LGI3: variants seen among roughly 807,000 people sequenced by gnomAD.
LGI3 encodes leucine rich repeat LGI family member 3, also known as leucine-rich repeat LGI family member 3.
In LGI3, 47 loss-of-function variants were observed where a neutral mutation model predicts 55.4. The ratio of observed to expected loss-of-function variants is 0.85; its 90% confidence interval spans 0.67 to 1.08. The LOEUF (loss-of-function observed/expected upper bound fraction) is 1.08. Ranked by LOEUF, LGI3 falls within the 50% of genes least tolerant of loss-of-function variation. LGI3 has a pLI of 0.00. For missense variants in LGI3, 664 were observed against 726.3 expected (o/e 0.91, Z 0.99); for synonymous variants, 326 against 315.0 (o/e 1.04, Z -0.37).
chr8:22,151,698 A>T, intron 6 of LGI3, 45 bp from the exon 7 acceptor site: 1 of 1,601,820 alleles, frequency 6.2e-7, no homozygotes, highest in Non-Finnish European at 8.5e-7. Flanking sequence ...GGGAGAAGGG[A>T]AGGGCTGCTT....
At position 22,154,633 on chromosome 8, in the gene LGI3, T is replaced by C; in HGVS notation, c.279-2A>G. Reference sequence around the variant, plus strand: ...GTAAACTTGTTGGAGTTGAGTAACCTGCAGAGACAAAGGTGGAATTAGAGC... The same window carrying C: ...GTAAACTTGTTGGAGTTGAGTAACCCGCAGAGACAAAGGTGGAATTAGAGC... On this transcript the variant is annotated splice_acceptor_variant, in intron 2 of 7. Transcript: ENST00000306317. LOFTEE classifies it high-confidence loss of function. 1 of 1,612,156 alleles carries C rather than the reference T, an allele frequency of 6.2e-7. No individual in the cohort carries two copies. Among genetic ancestry groups the C allele is most frequent in the Non-Finnish European group, 8.5e-7 (1 of 1,178,312 alleles).
intron 7 of LGI3, among the ~76,000 whole-genome samples, chr8:22,150,433 G>A (rs1051171393): frequency 7.2e-5 from 10 of 138,276 alleles, no homozygotes; most frequent in Non-Finnish European, 9.1e-5. Context: ...ATCTTGGCTC[G>A]CTGCAAGCTC....
Position 22,151,899 on chromosome 8 carries a change from C to T in LGI3, c.596G>A (p.Ser199Asn), listed in dbSNP as rs1827384201. Residue 199 changes from serine (S) to asparagine (N), a missense_variant, in exon 6 of 8, where the codon AGC becomes AAC. Transcript: ENST00000306317. ...CTTGTGCTCCTGGAAGCGGGGCGGG[C>T]TGGCGCAGTAGATGGGTGCCACCGT... is the stretch of plus-strand genomic sequence containing the variant. ...NTTVAPIYCA[S>N]PPRFQEHKVQ... The T allele has an allele frequency of 6.2e-7, 1 of 1,613,204 alleles. No homozygotes were observed.
intron 5 of LGI3, among the ~76,000 whole-genome samples, chr8:22,152,371 C>T (rs1248611498): frequency 1.3e-5 from 2 of 152,136 alleles, no homozygotes; most frequent in African/African-American, 2.4e-5. Context: ...CTACTATATG[C>T]TATATATTCC....
chr8:22,152,993 C>T (rs1416725536), intron 5 of LGI3, among the ~76,000 whole-genome samples: 40 of 149,154 alleles, frequency 2.7e-4, no homozygotes, highest in Admixed American at 5.3e-4. Context: ...GAGGTTGCCG[C>T]GACCTGAGAT....
At position 22,148,587 on chromosome 8, in the gene LGI3, G is replaced by T; in HGVS notation, c.1220C>A (p.Thr407Asn). Residue 407 changes from threonine (T) to asparagine (N), a missense_variant, in exon 8 of 8, where the codon ACC becomes AAC. Transcript: ENST00000306317. The surrounding 1 kb of genome is among the most constrained non-coding windows in gnomAD (Gnocchi z 7.0). ...ACCCTGGGCCACAAACTGCTTCTGG[G>T]TGCGACTCCACTGATAGATGACGGG... Reference protein sequence around the residue: ...QAPVIYQWSRTQKQFVAQGEV... With the variant: ...QAPVIYQWSRNQKQFVAQGEV... 2 of 1,613,902 alleles carry T rather than the reference G, an allele frequency of 1.2e-6. No individual in the cohort carries two copies. The highest frequency in any genetic ancestry group is 1.6e-4 in the Middle Eastern group (1 of 6,062).
rs2131796532 is a variant in LGI3 at position 22,153,988 on chromosome 8, G to A, written c.474C>T (p.Pro158=). The A allele has an allele frequency of 6.2e-7, 1 of 1,614,116 alleles. No individual in the cohort carries two copies. Among genetic ancestry groups the A allele is most frequent in the East Asian group, 2.2e-5 (1 of 44,890 alleles). Residue 158 remains proline, a synonymous_variant, in exon 5 of 8, where the codon CCC becomes CCT. Transcript: ENST00000306317. The part of the protein sequence containing the change: ...LQTLPRDIFR[P]LDILNDLDLR... ...CTTACAAGTCATTCAGGATGTCCAGGGGCCGGAAGATGTCTCTGGGCAGTG... is the reference window on the plus strand; with the variant it reads ...CTTACAAGTCATTCAGGATGTCCAGAGGCCGGAAGATGTCTCTGGGCAGTG...
chr8:22,154,304 G>C, intron 3 of LGI3, 91 bp from the exon 4 acceptor site: 1 of 1,094,046 alleles, frequency 9.1e-7, no homozygotes, highest in Non-Finnish European at 1.4e-6. Context: ...ATTTCAGCCC[G>C]TGTCCCCGAG....
chr8:22,154,447 T>C (rs1384177024), intron 3 of LGI3, 113 bp downstream of exon 3: 5 of 981,532 alleles, frequency 5.1e-6, no homozygotes, highest in African/African-American at 1.6e-5. Context: ...TCGCCTCCCA[T>C]CACCTTCCCT....
At chr8:22,152,214 T>C (rs1827388835) in intron 5 of LGI3, among the ~76,000 whole-genome samples, 2 of 152,238 alleles carry the variant, frequency 1.3e-5, no homozygotes, top group South Asian at 4.1e-4. Context: ...TCAGTTTCAG[T>C]CCTTGCTGAC....
chr8:22,149,130 G>T (rs1360508854), intron 7 of LGI3, among the ~76,000 whole-genome samples, 153 bp from the exon 8 acceptor site: 1 of 152,202 alleles, frequency 6.6e-6, no homozygotes, highest in African/African-American at 2.4e-5. Flanking sequence ...TCCACTAAGC[G>T]CTCAATGCTT....
intron 7 of LGI3, among the ~76,000 whole-genome samples, chr8:22,151,083 C>T (rs1402254649): frequency 6.6e-6 from 1 of 152,094 alleles, no homozygotes; most frequent in Non-Finnish European, 1.5e-5. Context: ...CTCAGTAGAT[C>T]CAAAACTGCT....
chr8:22,148,356 C>A lies in LGI3; in HGVS notation c.1451G>T (p.Gly484Val). The A allele has an allele frequency of 6.2e-7, 1 of 1,613,950 alleles. No homozygotes were observed. Among genetic ancestry groups the A allele is most frequent in the Non-Finnish European group, 8.5e-7 (1 of 1,179,940 alleles). Reference sequence around the variant, plus strand: ...GATCTGGGTGAAGGAGAAATCACTGCCCAGTGCCAGGTAGCGGCGGCCACC... The same window carrying A: ...GATCTGGGTGAAGGAGAAATCACTGACCAGTGCCAGGTAGCGGCGGCCACC... ...LVGGRRYLAL[G>V]SDFSFTQIYQ... The change falls in exon 8 of 8, where the codon GGC becomes GTC. Residue 484 changes from glycine (G) to valine (V), a missense_variant. Gly to Val is a moderately radical substitution (Grantham distance 109, BLOSUM62 -3). Transcript: ENST00000306317. This position sits in a 1 kb window ranked among gnomAD's most constrained non-coding sequence, Gnocchi z 7.0.
At chr8:22,155,876 TTG>T (rs1827486839) in intron 1 of LGI3, among the ~76,000 whole-genome samples, 3 of 152,368 alleles carry the variant, frequency 2.0e-5, no homozygotes, top group Middle Eastern at 3.4e-3. Flanking sequence ...AGGCTGGCTG[TTG>T]TGAGTGACAG....
At chr8:22,155,025 G>C (rs1426578637) in intron 2 of LGI3, 17 of 402,906 alleles carry the variant, frequency 4.2e-5, no homozygotes, top group Middle Eastern at 7.0e-4. Flanking sequence ...TCAGCCCCCA[G>C]CTCTTTCTGG....
rs1238385965 is a variant in LGI3, at chr8:22,156,414, G to A, written c.129C>T (p.Cys43=). The A allele has an allele frequency of 6.3e-7, 1 of 1,593,872 alleles. No individual in the cohort carries two copies. The change falls in exon 1 of 8, where the codon TGC becomes TGT. Residue 43 remains cysteine, a synonymous_variant. Coordinates refer to ENST00000306317, the MANE Select transcript of LGI3 (RefSeq NM_139278.4). ...AGAAGGCGGTGTCCCTGGTGCAAGA[G>A]CAGCTGGGCGGGCAGGGGGGCGTCT... ...PPKTPPCPPS[C]SCTRDTAFCV...
chr8:22,153,024 T>C (rs1827399977), intron 5 of LGI3, among the ~76,000 whole-genome samples: 2 of 148,226 alleles, frequency 1.3e-5, no homozygotes, highest in Non-Finnish European at 3.0e-5. Flanking sequence ...CACTTCAGCC[T>C]GGGTGACAGA....
rs1326660623 is a variant in LGI3 at position 22,148,775 on chromosome 8, G to A, written c.1032C>T (p.Ala344=). Residue 344 remains alanine, a synonymous_variant, in exon 8 of 8, where the codon GCC becomes GCT. Transcript: ENST00000306317. This position sits in a 1 kb window ranked among gnomAD's most constrained non-coding sequence, Gnocchi z 7.0. ...CGCCTGCCTTGGAGCTGTCAGCCAC[G>A]GCAAAGTACCAGTCACCGTCGATGC... The part of the protein sequence containing the change: ...AFRIDGDWYF[A]VADSSKAGAT... 8.1e-6 allele frequency: 13 copies of A among 1,614,204 alleles called. 1 individual carries two copies. The highest frequency in any genetic ancestry group is 2.2e-5 in the East Asian group (1 of 44,888).
At position 22,155,277 on chromosome 8, in the gene LGI3, T is replaced by G. The variant is rs1586410582; in HGVS notation, c.278+115A>C. 4.3e-6 allele frequency: 4 copies of G among 939,940 alleles called. No individual in the cohort carries two copies. In the East Asian group the frequency reaches 9.7e-5, roughly 23 times the overall value. 58.2% of individuals were successfully genotyped at this position (939,940 alleles called of 1,614,324 possible). A position where few individuals can be genotyped will look rare whatever the true frequency, so the allele number is the denominator to read the frequency against. On this transcript the variant is annotated intron_variant, in intron 2 of 7. Coordinates refer to ENST00000306317, the MANE Select transcript of LGI3 (RefSeq NM_139278.4). ...TATCAGAACAAAAGCAAGGGACACC[T>G]GCATCTTCGTCTGCAGAGGCTGCCT...
Sources: gnomAD v4.1 joint callset for allele counts (sites outside exome capture counted in the v4.1 genomes callset) on GRCh38, gnomAD v4.1.1 for gene constraint, Gnocchi (gnomAD v3.1) non-coding constraint, MANE v1.5 for transcripts, NCBI Gene and HGNC (gene_info 2026-07-23, HGNC 2026-07-21) for gene names.